RAB40A: variants seen among roughly 807,000 people sequenced by gnomAD.
RAB40A encodes the protein ras-related protein Rab-40A.
For synonymous variants in RAB40A, 65 were observed against 99.9 expected, an observed-to-expected ratio of 0.65 and a Z score of 2.08; for missense variants, 145 against 230.2, an observed-to-expected ratio of 0.63 and a Z score of 2.40.
intron 2 of RAB40A, chrX:103,502,566 A>C (rs180939206): frequency 4.3e-6 from 1 of 234,351 alleles, no homozygotes. Context: ...CTCTTGGCAT[A>C]AAGTGCAGGA....
At chrX:103,518,715 A>T (rs998878706) in intron 1 of RAB40A, among the ~76,000 whole-genome samples, 1 of 111,641 alleles carries the variant, frequency 9.0e-6, no homozygotes, top group African/African-American at 3.3e-5. Flanking sequence ...AACAATATCA[A>T]CTCATTGCTT....
intron 2 of RAB40A, among the ~76,000 whole-genome samples, chrX:103,509,774 T>C (rs1317107965): frequency 4.8e-5 from 5 of 104,832 alleles, no homozygotes; most frequent in African/African-American, 1.8e-4. Flanking sequence ...CATGAGCAGT[T>C]TTTTTTGTAT....
At chrX:103,510,808 G>A (rs755219829) in intron 2 of RAB40A, among the ~76,000 whole-genome samples, 37 of 112,271 alleles carry the variant, frequency 3.3e-4, no homozygotes, top group Non-Finnish European at 5.4e-4. Flanking sequence ...GCACAGAAAA[G>A]ACACTGATAC....
chrX:103,518,084 A>G (rs1430477732), intron 1 of RAB40A, among the ~76,000 whole-genome samples: 3 of 111,878 alleles, frequency 2.7e-5, no homozygotes, highest in Non-Finnish European at 5.6e-5. Context: ...ACAGGTAGCT[A>G]GTGGCTACTA....
At chrX:103,516,858 T>G (rs776730412) in intron 2 of RAB40A, among the ~76,000 whole-genome samples, 1 of 112,083 alleles carries the variant, frequency 8.9e-6, no homozygotes, top group East Asian at 2.8e-4. Flanking sequence ...TGCTTTTGTC[T>G]TAAGTACTAA....
downstream of RAB40A, among the ~76,000 whole-genome samples, chrX:103,498,612 G>A (rs1011587962): frequency 8.9e-6 from 1 of 112,043 alleles, no homozygotes; most frequent in African/African-American, 3.2e-5. Context: ...GGATGGTGTA[G>A]AGATTATATC....
Position 103,510,659 on chromosome X carries a change from T to G in RAB40A, c.-71+6715A>C, listed in dbSNP as rs141189365. On this transcript the variant is annotated intron_variant, in intron 2 of 2. Transcript: ENST00000304236. ...GATAAACTCATTACCAGGACTTGTC[T>G]TTGAGTGTTCTGTTTGGGAGTGATG... Among the ~76,000 whole-genome samples the G allele has an allele frequency of 9.9e-3, 1,113 of 112,922 alleles. 19 individuals carry two copies. Among genetic ancestry groups the G allele is most frequent in the African/African-American group, 0.033 (1,030 of 31,104 alleles).
At chrX:103,505,248 AT>A (rs2073248817) in intron 2 of RAB40A, among the ~76,000 whole-genome samples, 1 of 112,255 alleles carries the variant, frequency 8.9e-6, no homozygotes, top group Non-Finnish European at 1.9e-5. Context: ...ACTACAAGTT[AT>A]CTGTTGGATG....
intron 2 of RAB40A, among the ~76,000 whole-genome samples, chrX:103,509,301 CTCTCTCTCTCTCTCTCTCTGTCTCTCTG>C (rs1216783817): frequency 6.8e-5 from 6 of 87,947 alleles, no homozygotes; most frequent in African/African-American, 4.6e-4. Context: ...CTCTCTCTCT[CTCTCTCTCTCTCTCTCTCTGTCTCTCTG>C]TCTCTCTGTC....
chrX:103,503,624 G>A (rs2073240179), intron 2 of RAB40A: 2 of 289,328 alleles, frequency 6.9e-6, no homozygotes, highest in Non-Finnish European at 9.3e-6. Flanking sequence ...GCCAGAACCC[G>A]GATCACAGCT....
At chrX:103,513,923 C>T (rs779974670) in intron 2 of RAB40A, among the ~76,000 whole-genome samples, 72 of 111,238 alleles carry the variant, frequency 6.5e-4, no homozygotes, top group Admixed American at 1.1e-3. Flanking sequence ...CACACAGACA[C>T]ATTGCAACAT....
chrX:103,511,000 C>T (rs527927193), intron 2 of RAB40A, among the ~76,000 whole-genome samples: 11 of 111,744 alleles, frequency 9.8e-5, no homozygotes, highest in African/African-American at 3.3e-4. Context: ...ATTTTGTTCC[C>T]CCAAAAGATA....
downstream of RAB40A, among the ~76,000 whole-genome samples, chrX:103,496,293 CTT>C (rs2073170779): frequency 8.9e-6 from 1 of 111,998 alleles, no homozygotes; most frequent in African/African-American, 3.2e-5. Context: ...AATGGAAACA[CTT>C]AATTTATATC....
At chrX:103,498,416 C>T (rs933081467), downstream of RAB40A, among the ~76,000 whole-genome samples, 1 of 112,762 alleles carries the variant, frequency 8.9e-6, no homozygotes, top group Non-Finnish European at 1.9e-5. Flanking sequence ...GCTGAAGATA[C>T]AGATTTCAGT....
intron 2 of RAB40A, chrX:103,502,716 G>T: frequency 1.3e-6 from 1 of 765,026 alleles, no homozygotes; most frequent in Non-Finnish European, 1.6e-6. Context: ...GGGTCCTTTA[G>T]GGAGGGTGAG....
chrX:103,515,373 T>C (rs1175578288), intron 2 of RAB40A, among the ~76,000 whole-genome samples: 3 of 112,442 alleles, frequency 2.7e-5, no homozygotes, highest in Non-Finnish European at 5.6e-5. Flanking sequence ...CACAAAGAAA[T>C]GTCACCAAAG....
rs1231443763 is a variant in RAB40A at position 103,499,232 on chromosome X, A to G, written c.*691T>C. ...CATTGAAACCATATTGGCTATGTTC[A>G]ACATAACTAGAGATATCTTTGGTGT... On this transcript the variant is annotated 3_prime_UTR_variant, in exon 3 of 3. Coordinates refer to ENST00000304236, the MANE Select transcript of RAB40A (RefSeq NM_080879.3). 1 of 121,019 alleles carries G rather than the reference A, an allele frequency of 8.3e-6. No homozygotes were observed. The highest frequency in any genetic ancestry group is 9.4e-5 in the Admixed American group (1 of 10,670). 10.0% of individuals were successfully genotyped at this position (121,019 alleles called of 1,213,427 possible).
In RAB40A at chrX:103,515,127, T is replaced by C. The variant is rs748929172; in HGVS notation, c.-71+2247A>G. Among the ~76,000 whole-genome samples the C allele has an allele frequency of 1.2e-4, 14 of 112,315 alleles. No individual in the cohort carries two copies. In the South Asian group the frequency reaches 5.2e-3, roughly 42 times the overall value. Reference sequence around the variant, plus strand: ...GGCTGTGTCCAGCTCAGGGAAAGTGTCTTCTAGACAAGGACAGGTCTGGCA... The same window carrying C: ...GGCTGTGTCCAGCTCAGGGAAAGTGCCTTCTAGACAAGGACAGGTCTGGCA... On this transcript the variant is annotated intron_variant, in intron 2 of 2. Transcript: ENST00000304236.
chrX:103,503,324 AG>A (rs2073238441), intron 2 of RAB40A: 1 of 750,748 alleles, frequency 1.3e-6, no homozygotes, highest in Non-Finnish European at 1.6e-6. Context: ...TAGAGAAGGG[AG>A]GACTGAAAGG....
Sources: gnomAD v4.1 joint callset for allele counts (sites outside exome capture counted in the v4.1 genomes callset) on GRCh38, gnomAD v4.1.1 for gene constraint, MANE v1.5 for transcripts, NCBI Gene and HGNC (gene_info 2026-07-23, HGNC 2026-07-21) for gene names.